The following CCDC181 variants were observed in gnomAD, a reference collection of about 807,000 sequenced individuals.
CCDC181 encodes coiled-coil domain containing 181, also known as coiled-coil domain-containing protein 181.
CCDC181 carries 35 observed loss-of-function variants against 58.7 expected under a neutral mutation model. The ratio of observed to expected loss-of-function variants is 0.60; its 90% confidence interval spans 0.46 to 0.79. The LOEUF (loss-of-function observed/expected upper bound fraction) is 0.79, where lower values mean the gene tolerates loss of function less well. Ranked by LOEUF, CCDC181 falls within the 30% of genes least tolerant of loss-of-function variation. The probability of loss-of-function intolerance (pLI) is 0.00; values close to 1 mark genes in which losing one functional copy is unlikely to be tolerated. For missense variants in CCDC181, 517 were observed against 583.9 expected (o/e 0.89, Z 1.18); for synonymous variants, 183 against 197.5 (o/e 0.93, Z 0.62).
At chr1:169,400,962 T>G (rs529761545) in intron 4 of CCDC181, among the ~76,000 whole-genome samples, 2 of 152,258 alleles carry the variant, frequency 1.3e-5, no homozygotes, top group Non-Finnish European at 1.5e-5. Context: ...ATACTACACT[T>G]TTCCAACGGT....
intron 4 of CCDC181, among the ~76,000 whole-genome samples, chr1:169,404,520 A>T (rs1655540088): frequency 6.6e-6 from 1 of 152,222 alleles, no homozygotes; most frequent in African/African-American, 2.4e-5. Context: ...GCAAATCAAT[A>T]AACGTAATCC....
Position 169,394,971 on chromosome 1 carries a change from C to A in CCDC181, c.*76G>T. 11 of 1,277,250 alleles carry A rather than the reference C, an allele frequency of 8.6e-6. No individual in the cohort carries two copies. The highest frequency in any genetic ancestry group is 2.7e-4 in the Middle Eastern group (1 of 3,690). 79.1% of individuals were successfully genotyped at this position (1,277,250 alleles called of 1,614,324 possible). On this transcript the variant is annotated 3_prime_UTR_variant, in exon 6 of 6. Transcript: ENST00000367806. ...CCATTTCCATAATTTAGAATACAACCAAAGTACACAGACCCTAAGAAATCA... is the reference window on the plus strand; with the variant it reads ...CCATTTCCATAATTTAGAATACAACAAAAGTACACAGACCCTAAGAAATCA...
At chr1:169,406,956 A>G (rs1347419628) in intron 4 of CCDC181, among the ~76,000 whole-genome samples, 1 of 152,096 alleles carries the variant, frequency 6.6e-6, no homozygotes, top group Admixed American at 6.5e-5. Flanking sequence ...AAATGAAAAA[A>G]ATTTTCAGTA....
At chr1:169,455,568 A>G (rs1346050639) in intron 2 of CCDC181, among the ~76,000 whole-genome samples, 1 of 152,150 alleles carries the variant, frequency 6.6e-6, no homozygotes, top group Non-Finnish European at 1.5e-5. Context: ...ATTTGTTTTT[A>G]AAGCAAGAAC....
At chr1:169,411,903 C>G (rs778867448) in intron 4 of CCDC181, among the ~76,000 whole-genome samples, 6 of 152,118 alleles carry the variant, frequency 3.9e-5, no homozygotes, top group Non-Finnish European at 7.4e-5. Context: ...CTATTTATGA[C>G]AAATCCATAG....
intron 4 of CCDC181, among the ~76,000 whole-genome samples, chr1:169,403,524 C>A (rs577981377): frequency 6.6e-6 from 1 of 152,224 alleles, no homozygotes; most frequent in Non-Finnish European, 1.5e-5. Flanking sequence ...AACCGCTCAA[C>A]TACGTGGAAA....
rs1275618367 is a variant in CCDC181, at chr1:169,421,386, T to C, written c.1045A>G (p.Lys349Glu). Residue 349 changes from lysine to glutamate, a missense_variant, in exon 3 of 6, where the codon AAG becomes GAG. Coordinates refer to ENST00000367806, the MANE Select transcript of CCDC181 (RefSeq NM_001300969.2). ...QKELQKQLEE[K>E]REKLKREEER... ...ACCTCTCTTTTCAGTTTTTCTCTCT[T>C]TTCTTCTAGTTGTTTTTGTAGTTCT... 6.2e-7 allele frequency: 1 copy of C among 1,609,706 alleles called. No individual in the cohort carries two copies. The highest frequency in any genetic ancestry group is 1.7e-5 in the Admixed American group (1 of 59,670).
chr1:169,406,644 T>C (rs1376167688), intron 4 of CCDC181, among the ~76,000 whole-genome samples: 1 of 151,926 alleles, frequency 6.6e-6, no homozygotes, highest in African/African-American at 2.4e-5. Flanking sequence ...CCAGGGCCTG[T>C]TGTGGGGTGG....
chr1:169,408,978 TCTC>T (rs1483094906), intron 4 of CCDC181, among the ~76,000 whole-genome samples: 2 of 152,160 alleles, frequency 1.3e-5, no homozygotes, highest in African/African-American at 4.8e-5. Context: ...GAATGCCTCT[TCTC>T]CTCCAAAGGA....
Position 169,421,785 on chromosome 1 carries a change from T to C in CCDC181, c.646A>G (p.Thr216Ala). ...TTTCCATCTCTCTCTACCAGTATTG[T>C]CCTATCCTTGTTTTCTTCACAGCTT... ...NGSCEENKDR[T>A]ILVERDGKFE... The change falls in exon 3 of 6, where the codon ACA becomes GCA. Residue 216 changes from threonine to alanine, a missense_variant. Thr to Ala is a moderately conservative substitution (Grantham distance 58, BLOSUM62 0). Coordinates refer to ENST00000367806, the MANE Select transcript of CCDC181 (RefSeq NM_001300969.2). 3.7e-6 allele frequency: 6 copies of C among 1,614,150 alleles called. No individual in the cohort carries two copies. The highest frequency in any genetic ancestry group is 5.1e-6 in the Non-Finnish European group (6 of 1,180,030).
chr1:169,447,332 C>T (rs1288025694), intron 2 of CCDC181, among the ~76,000 whole-genome samples: 4 of 152,058 alleles, frequency 2.6e-5, no homozygotes, highest in African/African-American at 9.7e-5. Context: ...AGATTGGTCT[C>T]GAACTCCTGA....
chr1:169,409,338 GA>G (rs1011234432), intron 4 of CCDC181, among the ~76,000 whole-genome samples: 9 of 152,090 alleles, frequency 5.9e-5, no homozygotes, highest in Non-Finnish European at 1.3e-4. Context: ...CAAGATCAGA[GA>G]AAAAAGAATG....
At chr1:169,452,083 CAG>C (rs1008117952) in intron 2 of CCDC181, among the ~76,000 whole-genome samples, 4 of 149,066 alleles carry the variant, frequency 2.7e-5, no homozygotes, top group African/African-American at 9.9e-5. Context: ...AGGGGGAAGA[CAG>C]AGAGGAAATG....
chr1:169,459,280 T>A (rs923618538), intron 2 of CCDC181, among the ~76,000 whole-genome samples: 1 of 152,238 alleles, frequency 6.6e-6, no homozygotes, highest in Non-Finnish European at 1.5e-5. Flanking sequence ...CCCTTCTTTG[T>A]GCTTTCCTAT....
chr1:169,459,823 A>G (rs1226423856), exon 2 of CCDC181: 1 of 146,222 alleles, frequency 6.8e-6, no homozygotes, highest in East Asian at 2.0e-4. Context: ...ATCTTTGTCA[A>G]CCCTCCCAGA....
chr1:169,409,841 G>C (rs913578391), intron 4 of CCDC181, among the ~76,000 whole-genome samples: 4 of 152,198 alleles, frequency 2.6e-5, no homozygotes, highest in African/African-American at 9.7e-5. Context: ...AATGCTGAGA[G>C]ATTTTGTCAC....
chr1:169,409,368 C>G (rs1655835241), intron 4 of CCDC181, among the ~76,000 whole-genome samples: 1 of 152,144 alleles, frequency 6.6e-6, no homozygotes, highest in South Asian at 2.1e-4. Flanking sequence ...CAAACTTGGC[C>G]TCCAAGAAAT....
intron 4 of CCDC181, among the ~76,000 whole-genome samples, chr1:169,412,889 A>G (rs1656042416): frequency 6.6e-6 from 1 of 152,234 alleles, no homozygotes; most frequent in Non-Finnish European, 1.5e-5. Flanking sequence ...TGGATTAAAG[A>G]TTTAAACAGA....
chr1:169,426,072 T>C (rs920488836), intron 1 of CCDC181, among the ~76,000 whole-genome samples: 1 of 152,134 alleles, frequency 6.6e-6, no homozygotes, highest in Non-Finnish European at 1.5e-5. Context: ...AAAAAAGCCA[T>C]AGTTAAGGTA....
Sources: gnomAD v4.1 joint callset for allele counts (sites outside exome capture counted in the v4.1 genomes callset) on GRCh38, gnomAD v4.1.1 for gene constraint, MANE v1.5 for transcripts, NCBI Gene and HGNC (gene_info 2026-07-23, HGNC 2026-07-21) for gene names.